Variants in MAF observed in about 807,000 individuals in gnomAD.
MAF encodes the protein transcription factor Maf.
Under a neutral mutation model 22.0 loss-of-function variants are expected in MAF, and 10 were observed. The ratio of observed to expected loss-of-function variants is 0.45; its 90% CI spans 0.28 to 0.77. The LOEUF (loss-of-function observed/expected upper bound fraction) is 0.77. MAF is among the 30% of genes least tolerant of loss of function. The pLI is 0.12. For missense variants in MAF, 544 were observed against 548.4 expected, an observed-to-expected ratio of 0.99 and a Z score of 0.08; for synonymous variants, 337 against 255.8, an observed-to-expected ratio of 1.32 and a Z score of -3.03.
chr16:79,211,774 G>A, the MAF span: 39 of 1,613,952 alleles, frequency 2.4e-5, no homozygotes, highest in African/African-American at 5.3e-5. Context: ...ATCCAAGAAC[G>A]GCTTGGCAGC....
the MAF span, among the ~76,000 whole-genome samples, chr16:79,501,988 A>C: frequency 3.9e-5 from 6 of 152,186 alleles, no homozygotes; most frequent in Non-Finnish European, 7.3e-5. Context: ...TATTCCCAAC[A>C]AAACTTATTT....
the MAF span, among the ~76,000 whole-genome samples, chr16:79,405,475 C>G: frequency 2.0e-5 from 3 of 152,202 alleles, no homozygotes; most frequent in Admixed American, 1.3e-4. Context: ...TGCCACTGAA[C>G]AACTTTCATT....
At chr16:79,264,986 A>T in the MAF span, among the ~76,000 whole-genome samples, 1 of 152,208 alleles carries the variant, frequency 6.6e-6, no homozygotes, top group Non-Finnish European at 1.5e-5. Context: ...CCTGTGACTA[A>T]TGCTGATCTT....
the MAF span, among the ~76,000 whole-genome samples, chr16:79,231,353 T>G: frequency 6.6e-6 from 1 of 152,094 alleles, no homozygotes; most frequent in Non-Finnish European, 1.5e-5. Flanking sequence ...TGCTGCGTTT[T>G]AATTTTTAAA....
the MAF span, among the ~76,000 whole-genome samples, chr16:79,377,028 G>C: frequency 6.6e-6 from 1 of 152,032 alleles, no homozygotes; most frequent in African/African-American, 2.4e-5. Flanking sequence ...TAATCCTTTG[G>C]GTATATACCC....
the MAF span, among the ~76,000 whole-genome samples, chr16:79,566,884 T>C: frequency 6.6e-6 from 1 of 152,208 alleles, no homozygotes; most frequent in African/African-American, 2.4e-5. Flanking sequence ...CTCTGATGGA[T>C]GTAGGGACCC....
At chr16:79,400,590 C>A in the MAF span, among the ~76,000 whole-genome samples, 2 of 152,234 alleles carry the variant, frequency 1.3e-5, no homozygotes, top group African/African-American at 2.4e-5. Context: ...TAGAAGAATA[C>A]CCCCTTCACG....
chr16:79,471,722 G>A, the MAF span, among the ~76,000 whole-genome samples: 1 of 152,150 alleles, frequency 6.6e-6, no homozygotes, highest in Admixed American at 6.5e-5. Flanking sequence ...AAAAAGCCCT[G>A]AGGTTTGCTG....
chr16:79,330,752 T>A, the MAF span, among the ~76,000 whole-genome samples: 3 of 152,204 alleles, frequency 2.0e-5, no homozygotes, highest in Non-Finnish European at 2.9e-5. Context: ...CTGGCTCAGC[T>A]CCTCTAAGCA....
At chr16:79,413,170 T>G in the MAF span, among the ~76,000 whole-genome samples, 2 of 150,296 alleles carry the variant, frequency 1.3e-5, no homozygotes, top group Middle Eastern at 6.9e-3. Flanking sequence ...GGAGTTAGAT[T>G]TGTGCTCCAA....
chr16:79,321,648 T>C, the MAF span, among the ~76,000 whole-genome samples: 2 of 3,414 alleles, frequency 5.9e-4, no homozygotes, highest in Non-Finnish European at 2.6e-3. Flanking sequence ...TCTTTTTCTT[T>C]TTTTTTTTTT....
chr16:79,252,109 A>G, the MAF span, among the ~76,000 whole-genome samples: 1 of 152,260 alleles, frequency 6.6e-6, no homozygotes, highest in East Asian at 1.9e-4. Flanking sequence ...TCAATGTGAT[A>G]ACTCTGGTTC....
At chr16:79,232,293 G>C in the MAF span, among the ~76,000 whole-genome samples, 29 of 152,138 alleles carry the variant, frequency 1.9e-4, no homozygotes, top group African/African-American at 6.7e-4. Context: ...ATGTGAATTT[G>C]GGGAGATATG....
At chr16:79,544,073 T>G in the MAF span, among the ~76,000 whole-genome samples, 1 of 152,020 alleles carries the variant, frequency 6.6e-6, no homozygotes, top group Non-Finnish European at 1.5e-5. Flanking sequence ...CGGGAAAATG[T>G]TTGTAAAATT....
chr16:79,274,829 T>C, the MAF span, among the ~76,000 whole-genome samples: 1 of 152,156 alleles, frequency 6.6e-6, no homozygotes, highest in Non-Finnish European at 1.5e-5. Flanking sequence ...TGATTGAACA[T>C]ATTCTAGACA....
At chr16:79,404,045 T>C in the MAF span, among the ~76,000 whole-genome samples, 1 of 152,202 alleles carries the variant, frequency 6.6e-6, no homozygotes, top group Non-Finnish European at 1.5e-5. Flanking sequence ...CATTTAGAAT[T>C]TGAAGAAACC....
chr16:79,207,454 T>C, the MAF span, among the ~76,000 whole-genome samples: 3 of 152,372 alleles, frequency 2.0e-5, 1 homozygote, highest in Admixed American at 2.0e-4. Context: ...GTTCCAAGCC[T>C]AATCTAACTT....
At chr16:79,525,380 G>A in the MAF span, among the ~76,000 whole-genome samples, 5 of 152,158 alleles carry the variant, frequency 3.3e-5, no homozygotes, top group Non-Finnish European at 7.4e-5. Context: ...CCACGGCCAT[G>A]CGCTCGGAGG....
the MAF span, among the ~76,000 whole-genome samples, chr16:79,481,282 A>G: frequency 2.0e-5 from 3 of 151,692 alleles, no homozygotes; most frequent in African/African-American, 4.8e-5. Flanking sequence ...TATATGTATC[A>G]TAAAATTCAC....
Sources: allele counts gnomAD v4.1 joint callset (sites outside exome capture counted in the v4.1 genomes callset), GRCh38; gene constraint gnomAD v4.1.1; transcripts MANE v1.5; gene names NCBI Gene and HGNC (gene_info 2026-07-23, HGNC 2026-07-21).